The following LRRK1 variants were observed in gnomAD, a reference collection of about 807,000 sequenced individuals.
LRRK1 encodes leucine-rich repeat serine/threonine-protein kinase 1.
In LRRK1, 113 loss-of-function variants were observed where a neutral mutation model predicts 209.1. The ratio of observed to expected loss-of-function variants is 0.54; its 90% CI spans 0.46 to 0.63. The LOEUF (loss-of-function observed/expected upper bound fraction) is 0.63. LRRK1 is among the 30% of genes least tolerant of loss of function. The probability of loss-of-function intolerance (pLI) is 0.00; values close to 1 mark genes in which losing one functional copy is unlikely to be tolerated. For missense variants in LRRK1, 2,284 were observed against 2,632.2 expected, an observed-to-expected ratio of 0.87 and a Z score of 2.89; for synonymous variants, 1,144 against 1,099.7, an observed-to-expected ratio of 1.04 and a Z score of -0.80.
In LRRK1 at chr15:101,067,948, G is replaced by A. The variant is rs575237794; in HGVS notation, c.5871-723G>A. Among the ~76,000 whole-genome samples, 281 of 152,354 alleles carry A rather than the reference G, an allele frequency of 1.8e-3. 1 individual carries two copies. The highest frequency in any genetic ancestry group is 6.5e-3 in the African/African-American group (269 of 41,590). ...CTAGAGGGAGGCTCCTCCCCTAAGGGGAGGTCCTGGCAAGGCCACGCGGAG... is the reference window on the plus strand; with the variant it reads ...CTAGAGGGAGGCTCCTCCCCTAAGGAGAGGTCCTGGCAAGGCCACGCGGAG... On this transcript the variant is annotated intron_variant, in intron 33 of 33. Coordinates refer to ENST00000388948, the MANE Select transcript of LRRK1 (RefSeq NM_024652.6).
chr15:100,982,453 G>C (rs2031656318), intron 3 of LRRK1, among the ~76,000 whole-genome samples: 1 of 152,176 alleles, frequency 6.6e-6, no homozygotes. Context: ...TGTGGTCTTG[G>C]GCAAGCTCTG....
At chr15:101,065,224 C>A in intron 31 of LRRK1, 128 bp from the exon 32 acceptor site, 1 of 1,118,518 alleles carries the variant, frequency 8.9e-7, no homozygotes, top group Non-Finnish European at 1.3e-6. Flanking sequence ...ATTTGCTGCC[C>A]TGAGGCGCAC....
At chr15:101,043,264 G>T (rs1397999041) in intron 20 of LRRK1, among the ~76,000 whole-genome samples, 1 of 152,208 alleles carries the variant, frequency 6.6e-6, no homozygotes, top group Non-Finnish European at 1.5e-5. Flanking sequence ...CCAGCCACTG[G>T]CCCCACCTTT....
intron 6 of LRRK1, among the ~76,000 whole-genome samples, chr15:101,008,064 AC>A (rs1166494986): frequency 1.4e-5 from 2 of 143,728 alleles, no homozygotes; most frequent in African/African-American, 5.2e-5. Flanking sequence ...AATCGCTTGA[AC>A]CCGGGAAGCG....
chr15:101,061,135 C>T (rs747880288), intron 29 of LRRK1, 36 bp from the exon 30 acceptor site: 2 of 1,532,198 alleles, frequency 1.3e-6, no homozygotes, highest in South Asian at 2.2e-5. Context: ...GCCCCTGGCC[C>T]CCGGGCACTG....
Position 101,065,905 on chromosome 15 carries a change from A to C in LRRK1, c.5468A>C (p.Glu1823Ala). 6.2e-7 allele frequency: 1 copy of C among 1,614,114 alleles called. No individual in the cohort carries two copies. Among genetic ancestry groups the C allele is most frequent in the South Asian group, 1.1e-5 (1 of 91,078 alleles). The change falls in exon 32 of 34, where the codon GAG becomes GCG. Residue 1823 changes from glutamate to alanine, a missense_variant. Physicochemically the swap from Glu to Ala is moderately radical, Grantham distance 107 (BLOSUM62 -1). Around this residue, in one of 6 missense-constraint regions of LRRK1, gnomAD observed 643 missense variants for 695.9 expected, o/e 0.92. Coordinates refer to ENST00000388948, the MANE Select transcript of LRRK1 (RefSeq NM_024652.6). ...GACGTGAGCATCATGTACAGTGAGG[A>C]GCTGGGCACGCAGATCCTGATCCAC... ...IADVSIMYSE[E>A]LGTQILIHQE...
In LRRK1 at chr15:101,004,273, G is replaced by C. The variant is rs978324387; in HGVS notation, c.763-4564G>C. 7.9e-5 allele frequency among the ~76,000 whole-genome samples: 12 copies of C among 152,364 alleles called. 1 individual carries two copies. The highest frequency in any genetic ancestry group is 4.1e-4 in the South Asian group (2 of 4,826). ...GGAAGACATAAAGTTGGAAAAGTGG[G>C]TTGGAGCCAACTGGGGGGCTGTCAG... On this transcript the variant is annotated intron_variant, in intron 6 of 33. Transcript: ENST00000388948.
intron 4 of LRRK1, among the ~76,000 whole-genome samples, chr15:100,986,120 G>A (rs1404536396): frequency 3.3e-5 from 5 of 152,140 alleles, no homozygotes; most frequent in Non-Finnish European, 5.9e-5. Flanking sequence ...GTGGGAGAAT[G>A]GCTTAAGCCC....
chr15:100,920,443 T>A (rs2042000846), intron 1 of LRRK1, among the ~76,000 whole-genome samples: 1 of 152,224 alleles, frequency 6.6e-6, no homozygotes, highest in Admixed American at 6.5e-5. Flanking sequence ...TTTGCCTATG[T>A]CCTGAAAGAG....
chr15:100,961,421 A>G (rs4965742), intron 2 of LRRK1, among the ~76,000 whole-genome samples: 140,911 of 152,114 alleles, frequency 0.93, 65,372 homozygotes, highest in East Asian at 0.99. Flanking sequence ...TTGGGAGGCC[A>G]AGGCGGGCAG....
At chr15:100,981,672 C>T (rs991621466) in intron 3 of LRRK1, among the ~76,000 whole-genome samples, 2 of 152,184 alleles carry the variant, frequency 1.3e-5, no homozygotes, top group Non-Finnish European at 2.9e-5. Context: ...AACTCCCTAA[C>T]CATGGGCAAG....
At chr15:101,049,394 G>T in intron 22 of LRRK1, 1 of 426,998 alleles carries the variant, frequency 2.3e-6, no homozygotes, top group Non-Finnish European at 4.2e-6. Context: ...CTCACCTGAG[G>T]GTCAGCTCCC....
intron 2 of LRRK1, among the ~76,000 whole-genome samples, chr15:100,928,507 G>A (rs549818298): frequency 3.3e-5 from 5 of 152,292 alleles, no homozygotes; most frequent in Admixed American, 6.5e-5. Context: ...AAAGTTGGCC[G>A]CCAGAAGGAA....
chr15:101,021,627 C>A, intron 13 of LRRK1: 1 of 552,450 alleles, frequency 1.8e-6, no homozygotes, highest in South Asian at 2.4e-5. Flanking sequence ...GGACTCAATT[C>A]TAAGCCGTGG....
At chr15:101,066,593 C>G (rs2036541880) in intron 32 of LRRK1, 47 bp from the exon 33 acceptor site, 2 of 1,566,002 alleles carry the variant, frequency 1.3e-6, no homozygotes, top group East Asian at 4.5e-5. Context: ...CCCCGGAGAG[C>G]ACGGCTACCG....
At chr15:100,956,455 C>CT (rs776326423) in intron 2 of LRRK1, among the ~76,000 whole-genome samples, 4 of 60,526 alleles carry the variant, frequency 6.6e-5, no homozygotes, top group African/African-American at 2.6e-4. Context: ...TTTTTTTTTT[C>CT]TTTTTTTTTT....
intron 6 of LRRK1, among the ~76,000 whole-genome samples, chr15:101,000,617 T>A (rs542712314): frequency 6.6e-6 from 1 of 152,330 alleles, no homozygotes; most frequent in Admixed American, 6.5e-5. Context: ...TGCTGGGGAC[T>A]GCTGGTGGTC....
rs2036267317 is a variant in LRRK1 at position 101,062,842 on chromosome 15, T to G, written c.4914+152T>G. 5 of 668,118 alleles carry G rather than the reference T, an allele frequency of 7.5e-6. No individual in the cohort carries two copies. The East Asian group carries it at 7.6e-5, about 10-fold the overall frequency. The allele number at this position is 668,118 out of a possible 1,614,324, so 41.4% of individuals were successfully genotyped here. A position where few individuals can be genotyped will look rare whatever the true frequency, so the allele number is the denominator to read the frequency against. On this transcript the variant is annotated intron_variant, in intron 31 of 33. Coordinates refer to ENST00000388948, the MANE Select transcript of LRRK1 (RefSeq NM_024652.6). ...CTTAGAGACGGTGGGAGGAAAGATA[T>G]CAGACCTGGTCCGTCATTAGTGCCT...
In LRRK1 at chr15:101,069,246, C is replaced by A; in HGVS notation, c.*398C>A. 1 of 157,780 alleles carries A rather than the reference C, an allele frequency of 6.3e-6. No homozygotes were observed. Among genetic ancestry groups the A allele is most frequent in the South Asian group, 2.0e-4 (1 of 4,964 alleles). The allele number at this position is 157,780 out of a possible 1,614,324, so 9.8% of individuals were successfully genotyped here. On this transcript the variant is annotated 3_prime_UTR_variant, in exon 34 of 34. Transcript: ENST00000388948. ...TCTCAGATGGAATTACACTAGAGGCCCTCCGCTGGGAAGCACTTGAGGTAG... is the reference window on the plus strand; with the variant it reads ...TCTCAGATGGAATTACACTAGAGGCACTCCGCTGGGAAGCACTTGAGGTAG...
Sources: allele counts gnomAD v4.1 joint callset (sites outside exome capture counted in the v4.1 genomes callset), GRCh38; gene constraint gnomAD v4.1.1; regional missense constraint gnomAD v4.1.1; transcripts MANE v1.5; gene names NCBI Gene and HGNC (gene_info 2026-07-23, HGNC 2026-07-21).